MEPE: variants seen among roughly 807,000 people sequenced by gnomAD.
MEPE encodes matrix extracellular phosphoglycoprotein, also known as matrix, extracellular phosphoglycoprotein with ASARM motif (bone).
A neutral mutation model predicts 7.3 loss-of-function variants in MEPE; 7 were observed. The ratio of observed to expected loss-of-function variants is 0.95; its 90% CI spans 0.54 to 1.79. The LOEUF is 1.79. Among genes scored for constraint, MEPE ranks in the 40% most tolerant of loss-of-function variants. MEPE has a pLI of 0.00. For missense variants in MEPE, 623 were observed against 628.2 expected, an observed-to-expected ratio of 0.99 and a Z score of 0.09; for synonymous variants, 214 against 213.1, an observed-to-expected ratio of 1.00 and a Z score of -0.04.
At chr4:87,838,784 T>C in intron 3 of MEPE, 99 bp downstream of exon 3, 1 of 983,064 alleles carries the variant, frequency 1.0e-6, no homozygotes. Flanking sequence ...TTGGGCACTT[T>C]GAATGGAAGT....
chr4:87,825,101 A>G (rs1722428372), intron 1 of MEPE, among the ~76,000 whole-genome samples: 1 of 152,186 alleles, frequency 6.6e-6, no homozygotes, highest in African/African-American at 2.4e-5. Context: ...CTCTGCAGCT[A>G]TTTGATGAGA....
In MEPE at chr4:87,844,961, G is replaced by T; in HGVS notation, c.109-16G>T. ...TTACATAAAATAATCACTTCATATTGAAAATTGTATTTTAGCAGGAAGAAA... is the reference window on the plus strand; with the variant it reads ...TTACATAAAATAATCACTTCATATTTAAAATTGTATTTTAGCAGGAAGAAA... On this transcript the variant is annotated splice_polypyrimidine_tract_variant and intron_variant, in intron 3 of 3. Transcript: ENST00000361056. 2.0e-6 allele frequency: 3 copies of T among 1,502,294 alleles called. No homozygotes were observed. Among genetic ancestry groups the T allele is most frequent in the Non-Finnish European group, 2.7e-6 (3 of 1,125,528 alleles). The allele number at this position is 1,502,294 out of a possible 1,614,324, so 93.1% of individuals were successfully genotyped here.
chr4:87,832,683 T>C (rs1722629307), upstream of MEPE, among the ~76,000 whole-genome samples: 1 of 152,210 alleles, frequency 6.6e-6, no homozygotes, highest in Non-Finnish European at 1.5e-5. Context: ...CTAAACTTGT[T>C]AGGTATTCAG....
chr4:87,839,315 C>T (rs1722919740), intron 3 of MEPE, among the ~76,000 whole-genome samples: 2 of 152,206 alleles, frequency 1.3e-5, no homozygotes, highest in Admixed American at 6.5e-5. Context: ...GCCAATTAGA[C>T]ATCAGACATG....
At chr4:87,825,735 G>A (rs56035140) in intron 1 of MEPE, among the ~76,000 whole-genome samples, 49,793 of 152,068 alleles carry the variant, frequency 0.33, 8,470 homozygotes, top group Admixed American at 0.35. Flanking sequence ...TGCGCAGGAT[G>A]TGCGGGTTTG....
intron 2 of MEPE, among the ~76,000 whole-genome samples, chr4:87,837,114 T>C (rs1167183193): frequency 6.6e-6 from 1 of 152,086 alleles, no homozygotes; most frequent in African/African-American, 2.4e-5. Flanking sequence ...TAGAGCGACT[T>C]TCTAAGGGAA....
Position 87,839,637 on chromosome 4 carries a change from C to A in MEPE, c.108+952C>A, listed in dbSNP as rs182340801. The A allele has an allele frequency of 6.4e-6, 9 of 1,396,288 alleles. No homozygotes were observed. The Admixed American group carries it at 1.3e-4, about 20-fold the overall frequency. 86.5% of individuals were successfully genotyped at this position (1,396,288 alleles called of 1,614,324 possible). ...ATTATTACAAAGAGCCCAAAAACTT[C>A]TTTGTAAGAGATAAAACGTGCCTCA... On this transcript the variant is annotated intron_variant, in intron 3 of 3. Coordinates refer to ENST00000361056, the MANE Select transcript of MEPE (RefSeq NM_020203.6).
chr4:87,838,629 C>T lies in MEPE; in HGVS notation c.55-3C>T, dbSNP rs567060467. On this transcript the variant is annotated splice_polypyrimidine_tract_variant and splice_region_variant and intron_variant, in intron 2 of 3. Transcript: ENST00000361056. ...TGAAGTTTTGTTTCTTGTTTCCTTT[C>T]AGACATTTCAACCACAGACTGAGAA... 1.9e-6 allele frequency: 3 copies of T among 1,613,004 alleles called. No homozygotes were observed. Among genetic ancestry groups the T allele is most frequent in the Non-Finnish European group, 2.5e-6 (3 of 1,179,276 alleles).
intron 2 of MEPE, among the ~76,000 whole-genome samples, chr4:87,836,748 C>G (rs1382976930): frequency 6.6e-6 from 1 of 151,902 alleles, no homozygotes; most frequent in East Asian, 1.9e-4. Flanking sequence ...TTATTTTAAC[C>G]CTGGGACTTT....
upstream of MEPE, among the ~76,000 whole-genome samples, chr4:87,831,915 G>T (rs1020056496): frequency 3.3e-5 from 5 of 152,038 alleles, no homozygotes; most frequent in Admixed American, 6.6e-5. Flanking sequence ...TGTTCATGCT[G>T]CTACTACAGA....
rs142077350 is a variant in MEPE at position 87,845,340 on chromosome 4, G to T, written c.472G>T (p.Val158Leu). Residue 158 changes from valine to leucine, a missense_variant, in exon 4 of 4, where the codon GTG becomes TTG. Physicochemically the swap from Val to Leu is conservative, Grantham distance 32. Transcript: ENST00000361056. ...TAACATGCAACATATAATGGGGCCA[G>T]TGACTGCGATTAAACTCCTGGGGGA... ...RNNMQHIMGPVTAIKLLGEEN... is the reference protein window; with the variant it reads ...RNNMQHIMGPLTAIKLLGEEN... The T allele has an allele frequency of 6.2e-7, 1 of 1,613,884 alleles. No individual in the cohort carries two copies. The highest frequency in any genetic ancestry group is 1.3e-5 in the African/African-American group (1 of 74,894).
At chr4:87,843,452 T>C (rs58344895) in intron 3 of MEPE, among the ~76,000 whole-genome samples, 4,146 of 152,212 alleles carry the variant, frequency 0.027, 190 homozygotes, top group African/African-American at 0.094. Flanking sequence ...AGATATTGCT[T>C]AGAACATGCA....
At chr4:87,839,977 T>G in intron 3 of MEPE, 1 of 1,535,398 alleles carries the variant, frequency 6.5e-7, no homozygotes, top group Non-Finnish European at 8.7e-7. Flanking sequence ...ATCTTCCTGA[T>G]CCCCATCCCA....
Position 87,846,460 on chromosome 4 carries a change from C to T in MEPE, c.*14C>T. On this transcript the variant is annotated 3_prime_UTR_variant, in exon 4 of 4. Coordinates refer to ENST00000361056, the MANE Select transcript of MEPE (RefSeq NM_020203.6). ...GATGGTGACTAGTCCACCAGGAGTT[C>T]CCAGCGGGGTGACAGTCTGAAGACC... is the stretch of plus-strand genomic sequence containing the variant. 1 of 1,602,622 alleles carries T rather than the reference C, an allele frequency of 6.2e-7. No individual in the cohort carries two copies. The highest frequency in any genetic ancestry group is 8.5e-7 in the Non-Finnish European group (1 of 1,174,552).
At chr4:87,837,063 G>A (rs923017901) in intron 2 of MEPE, among the ~76,000 whole-genome samples, 1 of 152,222 alleles carries the variant, frequency 6.6e-6, no homozygotes, top group African/African-American at 2.4e-5. Flanking sequence ...TTATCTGCCA[G>A]AGTCCAGTCC....
chr4:87,822,441 G>A (rs1008803552), intron 1 of MEPE, among the ~76,000 whole-genome samples: 2 of 152,140 alleles, frequency 1.3e-5, no homozygotes, highest in East Asian at 1.9e-4. Flanking sequence ...ACTGGGTTAC[G>A]AAGCTCCTGA....
rs115844160 is a variant in MEPE, at chr4:87,846,763, A to T, written c.*317A>T. The T allele has an allele frequency of 1.4e-3, 341 of 244,290 alleles. No individual in the cohort carries two copies. Among genetic ancestry groups the T allele is most frequent in the African/African-American group, 6.7e-3 (298 of 44,638 alleles). The allele number at this position is 244,290 out of a possible 1,614,324, so 15.1% of individuals were successfully genotyped here. A position where few individuals can be genotyped will look rare whatever the true frequency, so the allele number is the denominator to read the frequency against. On this transcript the variant is annotated 3_prime_UTR_variant, in exon 4 of 4. Transcript: ENST00000361056. ...CTTCTATGTTGTTTGCTCTGTAGAC[A>T]TGAAAATAAACAATATCTCTCGATG...
At chr4:87,832,319 T>C (rs560917372), upstream of MEPE, among the ~76,000 whole-genome samples, 19 of 152,280 alleles carry the variant, frequency 1.2e-4, no homozygotes, top group East Asian at 9.7e-4. Flanking sequence ...TACTCAAAAG[T>C]TGCCTTCTCA....
intron 3 of MEPE, among the ~76,000 whole-genome samples, chr4:87,839,196 A>C (rs1245728375): frequency 6.6e-6 from 1 of 152,216 alleles, no homozygotes; most frequent in Non-Finnish European, 1.5e-5. Context: ...TGCCTATCAC[A>C]GAAAATTATG....
Sources: allele counts gnomAD v4.1 joint callset (sites outside exome capture counted in the v4.1 genomes callset), GRCh38; gene constraint gnomAD v4.1.1; transcripts MANE v1.5; gene names NCBI Gene and HGNC (gene_info 2026-07-23, HGNC 2026-07-21).